Variants in RNF175 observed in about 807,000 individuals in gnomAD.
RNF175 encodes the protein ring finger protein 175.
A neutral mutation model predicts 50.0 loss-of-function variants in RNF175; 38 were observed. The ratio of observed to expected loss-of-function variants is 0.76; its 90% CI spans 0.59 to 1.00. The LOEUF (loss-of-function observed/expected upper bound fraction) is 1.00, where lower values mean the gene tolerates loss of function less well. RNF175 is among the 50% of genes least tolerant of loss of function. The pLI, the probability that RNF175 is intolerant of heterozygous loss-of-function variation, is 0.00. For missense variants in RNF175, 388 were observed against 409.6 expected (o/e 0.95, Z 0.46); for synonymous variants, 155 against 146.1 (o/e 1.06, Z -0.44).
chr4:153,747,153 G>T lies in RNF175; in HGVS notation c.246+1492C>A, dbSNP rs973256930. Among the ~76,000 whole-genome samples, 4 of 152,170 alleles carry T rather than the reference G, an allele frequency of 2.6e-5. No homozygotes were observed. The East Asian group carries it at 5.8e-4, about 22-fold the overall frequency. ...ATGCCTTCAGGGTCATTTTCCTGTT[G>T]TCTTGATTACTTGCACCTGGCTTCC... is the stretch of plus-strand genomic sequence containing the variant. On this transcript the variant is annotated intron_variant, in intron 3 of 8. Coordinates refer to ENST00000347063, the MANE Select transcript of RNF175 (RefSeq NM_173662.4).
intron 1 of RNF175, among the ~76,000 whole-genome samples, chr4:153,753,690 T>G (rs57666128): frequency 2.0e-5 from 3 of 151,594 alleles, no homozygotes; most frequent in Non-Finnish European, 4.4e-5. Context: ...CTTGAGTAGC[T>G]GGGACTACAG....
rs1180411716 is a variant in RNF175 at position 153,759,826 on chromosome 4, C to T, written c.37G>A (p.Val13Met). 7 of 1,471,240 alleles carry T rather than the reference C, an allele frequency of 4.8e-6. No individual in the cohort carries two copies. The East Asian group carries it at 1.7e-4, about 36-fold the overall frequency. 91.1% of individuals were successfully genotyped at this position (1,471,240 alleles called of 1,614,324 possible). A position where few individuals can be genotyped will look rare whatever the true frequency, so the allele number is the denominator to read the frequency against. ...TCCTGCTGCGGGGGGGCCTCCAGCA[C>T]CGGCGCTGCCTTCCGCGCCGCCGTC... ...AGTAARKAAP[V>M]LEAPPQQEQL... is the part of the protein sequence containing the mutation. The change falls in exon 1 of 9, where the codon GTG becomes ATG. Residue 13 changes from valine (V) to methionine (M), a missense_variant. Physicochemically the swap from Val to Met is conservative, Grantham distance 21 (BLOSUM62 1). Transcript: ENST00000347063.
intron 3 of RNF175, 43 bp downstream of exon 3, chr4:153,748,602 T>C (rs1302680316): frequency 4.6e-6 from 7 of 1,510,948 alleles, no homozygotes; most frequent in African/African-American, 1.4e-5. Flanking sequence ...GTCAAGCTGA[T>C]ACAAGCTGGA....
intron 3 of RNF175, among the ~76,000 whole-genome samples, chr4:153,744,098 G>C (rs1339759926): frequency 5.3e-5 from 8 of 152,176 alleles, no homozygotes. Context: ...ATAGGACAAG[G>C]ATGGTCTTTG....
intron 4 of RNF175, among the ~76,000 whole-genome samples, chr4:153,723,704 G>C (rs189351611): frequency 3.1e-4 from 47 of 152,170 alleles, no homozygotes; most frequent in African/African-American, 1.1e-3. Context: ...ATTTGTCTAC[G>C]TCCCTCATGT....
At chr4:153,724,283 G>A (rs1579050782) in intron 4 of RNF175, among the ~76,000 whole-genome samples, 1 of 152,228 alleles carries the variant, frequency 6.6e-6, no homozygotes, top group African/African-American at 2.4e-5. Context: ...TAGGAGGATG[G>A]GGGAAGAGGT....
intron 7 of RNF175, chr4:153,713,448 A>G (rs1187627805): frequency 6.6e-6 from 1 of 152,238 alleles, no homozygotes; most frequent in Non-Finnish European, 1.5e-5. Context: ...ATATATTTCC[A>G]TGTTCCCTGA....
rs1579098038 is a variant in RNF175 at position 153,748,757 on chromosome 4, T to G, written c.134A>C (p.His45Pro). The change falls in exon 3 of 9, where the codon CAC becomes CCC. Residue 45 changes from histidine (H) to proline (P), a missense_variant. Transcript: ENST00000347063. ...NLQQERMYKM[H>P]RGHDSMHVEM... Reference sequence around the variant, plus strand: ...CACGTGCATGGAATCGTGGCCCCGGTGCATCTTGTACATCCTCTCCTGCTG... The same window carrying G: ...CACGTGCATGGAATCGTGGCCCCGGGGCATCTTGTACATCCTCTCCTGCTG... 2 of 1,612,224 alleles carry G rather than the reference T, an allele frequency of 1.2e-6. No homozygotes were observed. The highest frequency in any genetic ancestry group is 2.2e-5 in the East Asian group (1 of 44,850).
At chr4:153,757,438 C>G (rs1302833460) in intron 1 of RNF175, among the ~76,000 whole-genome samples, 1 of 152,136 alleles carries the variant, frequency 6.6e-6, no homozygotes, top group Non-Finnish European at 1.5e-5. Flanking sequence ...CCTCACAAAA[C>G]CCACCTGTTA....
chr4:153,718,225 TG>T (rs373327993), intron 6 of RNF175, among the ~76,000 whole-genome samples: 60,520 of 94,476 alleles, frequency 0.64, 21,948 homozygotes, highest in South Asian at 0.78. Flanking sequence ...TTTGTTTGTT[TG>T]TTTGTTTGTT....
intron 2 of RNF175, among the ~76,000 whole-genome samples, chr4:153,749,995 C>T (rs1740201397): frequency 6.6e-6 from 1 of 152,128 alleles, no homozygotes; most frequent in African/African-American, 2.4e-5. Flanking sequence ...GATGTGACAT[C>T]AGGAATTTTT....
Position 153,720,306 on chromosome 4 carries a change from T to G in RNF175, c.510-2A>C. The G allele has an allele frequency of 6.2e-7, 1 of 1,612,408 alleles. No homozygotes were observed. The highest frequency in any genetic ancestry group is 8.5e-7 in the Non-Finnish European group (1 of 1,178,430). The stretch of plus-strand genomic sequence containing the variant: ...TCCATGGAATCTCTAGCTTTGATTC[T>G]ATTGAAAACAACAGTATAAGGAAAT... On this transcript the variant is annotated splice_acceptor_variant, in intron 5 of 8. Transcript: ENST00000347063. LOFTEE classifies it high-confidence loss of function.
At chr4:153,712,138 G>A (rs1737627944) in intron 8 of RNF175, among the ~76,000 whole-genome samples, 1 of 151,988 alleles carries the variant, frequency 6.6e-6, no homozygotes, top group African/African-American at 2.4e-5. Context: ...CACCCATCCA[G>A]TTCACTCATT....
chr4:153,736,330 T>C (rs2127138184), intron 3 of RNF175, among the ~76,000 whole-genome samples: 1 of 152,388 alleles, frequency 6.6e-6, no homozygotes, highest in East Asian at 1.9e-4. Flanking sequence ...TTGTGGTGTA[T>C]AATTCATTTT....
chr4:153,734,965 C>T lies in RNF175; in HGVS notation c.247-6604G>A, dbSNP rs1210586527. 2.0e-5 allele frequency among the ~76,000 whole-genome samples: 3 copies of T among 152,102 alleles called. No homozygotes were observed. The East Asian group carries it at 5.8e-4, about 29-fold the overall frequency. ...TGCAGGGATTACAGGCTTGAGCCAC[C>T]ATGCCTGGCCTCATTCTCTTAACAG... On this transcript the variant is annotated intron_variant, in intron 3 of 8. Coordinates refer to ENST00000347063, the MANE Select transcript of RNF175 (RefSeq NM_173662.4).
At chr4:153,754,261 G>T (rs77160739) in intron 1 of RNF175, among the ~76,000 whole-genome samples, 1,921 of 152,252 alleles carry the variant, frequency 0.013, 53 homozygotes, top group African/African-American at 0.044. Context: ...CACCCCAGGG[G>T]ACTGGCAGGT....
At chr4:153,710,610 T>C (rs1368552997) in intron 8 of RNF175, 121 bp from the exon 9 acceptor site, 2 of 961,504 alleles carry the variant, frequency 2.1e-6, no homozygotes, top group East Asian at 2.7e-5. Flanking sequence ...GTTAATTCTA[T>C]GTGCTCAATT....
Position 153,730,048 on chromosome 4 carries a change from A to G in RNF175, c.247-1687T>C, listed in dbSNP as rs141786475. On this transcript the variant is annotated intron_variant, in intron 3 of 8. Coordinates refer to ENST00000347063, the MANE Select transcript of RNF175 (RefSeq NM_173662.4). ...CAAGCTTTACTTAAGGAAGTAGAATAGTTTTCAAGAGGACCCGAAACCATA... is the reference window on the plus strand; with the variant it reads ...CAAGCTTTACTTAAGGAAGTAGAATGGTTTTCAAGAGGACCCGAAACCATA... Among the ~76,000 whole-genome samples, 42 of 152,346 alleles carry G rather than the reference A, an allele frequency of 2.8e-4. 1 individual carries two copies. In the East Asian group the frequency reaches 6.7e-3, roughly 24 times the overall value.
At chr4:153,714,383 G>C (rs1361140558) in intron 7 of RNF175, 1 of 152,100 alleles carries the variant, frequency 6.6e-6, no homozygotes, top group Non-Finnish European at 1.5e-5. Flanking sequence ...TATTACTTTT[G>C]AGATGCATTT....
Sources: gnomAD v4.1 joint callset for allele counts (sites outside exome capture counted in the v4.1 genomes callset) on GRCh38, gnomAD v4.1.1 for gene constraint, MANE v1.5 for transcripts, NCBI Gene and HGNC (gene_info 2026-07-23, HGNC 2026-07-21) for gene names.